The following SORBS2 variants were observed in gnomAD, a reference collection of about 807,000 sequenced individuals.
The protein encoded by SORBS2 is sorbin and SH3 domain-containing protein 2.
In SORBS2, 46 loss-of-function variants were observed where a neutral mutation model predicts 97.7. That is an observed-to-expected ratio of 0.47 (90% CI 0.37 to 0.60). The LOEUF is 0.60. Among genes scored for constraint, SORBS2 ranks in the 20% least tolerant of loss-of-function variants. The pLI is 0.00. For missense variants in SORBS2, 1,316 were observed against 1,282.3 expected, an observed-to-expected ratio of 1.03 and a Z score of -0.40; for synonymous variants, 476 against 473.4, an observed-to-expected ratio of 1.01 and a Z score of -0.07.
chr4:185,620,268 A>G lies in SORBS2; in HGVS notation c.2216-117T>C. ...TCCCCAAATTTGGAGAGACACCGTT[A>G]TCGAACACATGGGCATAAAACTCAT... On this transcript the variant is annotated intron_variant, in intron 7 of 14. Transcript: ENST00000418609. 3 of 724,296 alleles carry G rather than the reference A, an allele frequency of 4.1e-6. No individual in the cohort carries two copies. In the South Asian group the frequency reaches 4.7e-5, roughly 11 times the overall value. The allele number at this position is 724,296 out of a possible 1,614,324, so 44.9% of individuals were successfully genotyped here. A position where few individuals can be genotyped will look rare whatever the true frequency, so the allele number is the denominator to read the frequency against.
intron 2 of SORBS2, among the ~76,000 whole-genome samples, chr4:185,731,885 T>C (rs1201602538): frequency 1.4e-5 from 1 of 72,400 alleles, no homozygotes; most frequent in African/African-American, 5.1e-5. Context: ...TATATATATA[T>C]ATATATATAT....
At chr4:185,833,594 A>G (rs927422864) in intron 1 of SORBS2, among the ~76,000 whole-genome samples, 1 of 152,194 alleles carries the variant, frequency 6.6e-6, no homozygotes, top group Non-Finnish European at 1.5e-5. Context: ...CAAAATACAA[A>G]AGGATTATCA....
chr4:185,862,412 A>G (rs1036963210), intron 1 of SORBS2, among the ~76,000 whole-genome samples: 4 of 152,230 alleles, frequency 2.6e-5, no homozygotes, highest in Non-Finnish European at 5.9e-5. Flanking sequence ...CTTTGAGCAA[A>G]TTGCATTTAT....
At chr4:185,693,797 C>T (rs1249593184) in intron 2 of SORBS2, among the ~76,000 whole-genome samples, 1 of 152,174 alleles carries the variant, frequency 6.6e-6, no homozygotes, top group Non-Finnish European at 1.5e-5. Flanking sequence ...TAGTTATCAA[C>T]ACCTATTGTT....
chr4:185,825,824 T>C (rs2099199474), intron 1 of SORBS2, among the ~76,000 whole-genome samples: 1 of 152,188 alleles, frequency 6.6e-6, no homozygotes, highest in African/African-American at 2.4e-5. Context: ...CCAGATGTTC[T>C]TTACATTGGG....
Position 185,665,742 on chromosome 4 carries a change from C to T in SORBS2, c.-45-3500G>A, listed in dbSNP as rs1417557807. 8.8e-6 allele frequency: 9 copies of T among 1,018,494 alleles called. No individual in the cohort carries two copies. The South Asian group carries it at 1.9e-4, about 22-fold the overall frequency. 63.1% of individuals were successfully genotyped at this position (1,018,494 alleles called of 1,614,324 possible). ...AAGGCAGAATAATTACATGAGTGGCCGCAGGGGTGGTTAAGGTGGTGCCAT... is the reference window on the plus strand; with the variant it reads ...AAGGCAGAATAATTACATGAGTGGCTGCAGGGGTGGTTAAGGTGGTGCCAT... On this transcript the variant is annotated intron_variant, in intron 4 of 20. Transcript: ENST00000284776.
chr4:185,715,768 C>T (rs933974885), intron 2 of SORBS2, among the ~76,000 whole-genome samples: 40 of 152,262 alleles, frequency 2.6e-4, no homozygotes, highest in Non-Finnish European at 4.0e-4. Flanking sequence ...TTTCCTCCCT[C>T]GACTACAAGT....
chr4:185,751,986 G>T (rs2098803212), intron 2 of SORBS2, among the ~76,000 whole-genome samples: 2 of 152,108 alleles, frequency 1.3e-5, no homozygotes, highest in South Asian at 4.1e-4. Flanking sequence ...GGGGATGGGG[G>T]TGCTAACTGC....
At chr4:185,838,697 G>T (rs1247746704) in intron 1 of SORBS2, among the ~76,000 whole-genome samples, 1 of 152,174 alleles carries the variant, frequency 6.6e-6, no homozygotes, top group Non-Finnish European at 1.5e-5. Flanking sequence ...GGGATGGCAT[G>T]TCCGCTATCT....
At chr4:185,876,604 G>A (rs55966719) in intron 1 of SORBS2, among the ~76,000 whole-genome samples, 62,468 of 151,760 alleles carry the variant, frequency 0.41, 13,203 homozygotes, top group East Asian at 0.56. Context: ...TAAGATGCCC[G>A]CCAAGTGTCT....
intron 2 of SORBS2, among the ~76,000 whole-genome samples, chr4:185,729,987 C>G (rs1353900752): frequency 6.6e-6 from 1 of 151,908 alleles, no homozygotes; most frequent in African/African-American, 2.4e-5. Flanking sequence ...GAGTCTTGCT[C>G]TATCGCCCAG....
chr4:185,775,623 C>T (rs2098996364), intron 1 of SORBS2: 1 of 152,144 alleles, frequency 6.6e-6, no homozygotes, highest in South Asian at 2.1e-4. Flanking sequence ...CTGCCAGCAC[C>T]ATTGAAAACA....
chr4:185,650,042 A>T (rs897126120), intron 2 of SORBS2, among the ~76,000 whole-genome samples: 3 of 152,206 alleles, frequency 2.0e-5, no homozygotes, highest in African/African-American at 7.2e-5. Context: ...CTGTTTCCAA[A>T]TATCTTCTAA....
At chr4:185,654,189 T>C (rs2097358855) in intron 1 of SORBS2, among the ~76,000 whole-genome samples, 1 of 152,206 alleles carries the variant, frequency 6.6e-6, no homozygotes, top group African/African-American at 2.4e-5. Context: ...AGGTTATTGA[T>C]TGACTATTCA....
intron 2 of SORBS2, among the ~76,000 whole-genome samples, chr4:185,735,528 A>G (rs2153578572): frequency 6.6e-6 from 1 of 151,526 alleles, no homozygotes; most frequent in East Asian, 1.9e-4. Flanking sequence ...AAACACACAC[A>G]CTCACATGCG....
intron 1 of SORBS2, among the ~76,000 whole-genome samples, chr4:185,954,086 A>G (rs1340542004): frequency 1.3e-5 from 2 of 152,170 alleles, no homozygotes; most frequent in Non-Finnish European, 2.9e-5. Context: ...TTCTTTCTTT[A>G]CTAGAAATAG....
At position 185,904,608 on chromosome 4, in the gene SORBS2, C is replaced by T. The variant is rs1476562525; in HGVS notation, c.-338+51588G>A. Reference sequence around the variant, plus strand: ...TGATTAGATAAATAACAGTGCATGCCGCACAATGACAAAAGCAACTTATAA... The same window carrying T: ...TGATTAGATAAATAACAGTGCATGCTGCACAATGACAAAAGCAACTTATAA... On this transcript the variant is annotated intron_variant, in intron 1 of 20. Transcript: ENST00000284776. Among the ~76,000 whole-genome samples the T allele has an allele frequency of 3.9e-5, 6 of 152,228 alleles. No homozygotes were observed. The South Asian group carries it at 8.3e-4, about 21-fold the overall frequency.
Position 185,606,818 on chromosome 4 carries a change from C to T in SORBS2, c.2796+4962G>A, listed in dbSNP as rs1288563999. On this transcript the variant is annotated intron_variant, in intron 12 of 14. Coordinates refer to ENST00000418609, the Ensembl canonical transcript of SORBS2. The surrounding 1 kb of genome is among the most constrained non-coding windows in gnomAD (Gnocchi z 4.3). The stretch of plus-strand genomic sequence containing the variant: ...ATCCCCTCATAGATGCCCTCATCTT[C>T]CTCTCCAATGACCGGAAGGGGTACA... 1 of 985,294 alleles carries T rather than the reference C, an allele frequency of 1.0e-6. No individual in the cohort carries two copies. Among genetic ancestry groups the T allele is most frequent in the Non-Finnish European group, 1.2e-6 (1 of 829,932 alleles). 61.0% of individuals were successfully genotyped at this position (985,294 alleles called of 1,614,324 possible).
At chr4:185,681,127 T>G (rs1404028527) in intron 2 of SORBS2, among the ~76,000 whole-genome samples, 1 of 152,210 alleles carries the variant, frequency 6.6e-6, no homozygotes, top group Admixed American at 6.5e-5. Context: ...AAAGCTTATG[T>G]TGATGATTAA....
Sources: allele counts gnomAD v4.1 joint callset (sites outside exome capture counted in the v4.1 genomes callset), GRCh38; gene constraint gnomAD v4.1.1; non-coding constraint Gnocchi (gnomAD v3.1); transcripts MANE v1.5; gene names NCBI Gene and HGNC (gene_info 2026-07-23, HGNC 2026-07-21).